The following PIAS1 variants were observed in gnomAD, a reference collection of about 807,000 sequenced individuals.
The protein encoded by PIAS1 is E3 SUMO-protein ligase PIAS1.
A neutral mutation model predicts 71.3 loss-of-function variants in PIAS1; 6 were observed. That is an observed-to-expected ratio of 0.08 (90% confidence interval 0.05 to 0.17). The LOEUF is 0.17. Ranked by LOEUF, PIAS1 falls within the 10% of genes least tolerant of loss-of-function variation. The pLI is 1.00. For missense variants in PIAS1, 555 were observed against 793.6 expected (o/e 0.70, Z 3.61); for synonymous variants, 303 against 292.9 (o/e 1.03, Z -0.35).
intron 1 of PIAS1, among the ~76,000 whole-genome samples, chr15:68,059,571 C>T (rs1286683670): frequency 6.6e-6 from 1 of 151,450 alleles, no homozygotes; most frequent in Non-Finnish European, 1.5e-5. Context: ...ATTAGCTGGG[C>T]GTGGTGGTGG....
rs2093107035 is a variant in PIAS1, at chr15:68,189,239, C to T, written c.*1404C>T. The T allele has an allele frequency of 1.3e-5, 2 of 152,074 alleles. No individual in the cohort carries two copies. 9.4% of individuals were successfully genotyped at this position (152,074 alleles called of 1,614,324 possible). A position where few individuals can be genotyped will look rare whatever the true frequency, so the allele number is the denominator to read the frequency against. On this transcript the variant is annotated 3_prime_UTR_variant, in exon 14 of 14. Transcript: ENST00000249636. ...GAGTTGGAGGGAAGGAAAAGTGGTTCTACTAATGTTCCAAAATCCTCATCA... is the reference window on the plus strand; with the variant it reads ...GAGTTGGAGGGAAGGAAAAGTGGTTTTACTAATGTTCCAAAATCCTCATCA...
intron 2 of PIAS1, among the ~76,000 whole-genome samples, chr15:68,121,182 A>G (rs926439808): frequency 1.3e-5 from 2 of 151,138 alleles, no homozygotes; most frequent in African/African-American, 4.9e-5. Flanking sequence ...TACCTTTTGT[A>G]TGTCTCAGAG....
At chr15:68,133,129 T>C (rs1203382482) in intron 2 of PIAS1, among the ~76,000 whole-genome samples, 2 of 152,070 alleles carry the variant, frequency 1.3e-5, no homozygotes, top group Admixed American at 6.5e-5. Flanking sequence ...TACCAACACA[T>C]AGAAATCATC....
At chr15:68,159,961 G>A (rs1167800289) in intron 7 of PIAS1, among the ~76,000 whole-genome samples, 1 of 152,022 alleles carries the variant, frequency 6.6e-6, no homozygotes, top group Non-Finnish European at 1.5e-5. Flanking sequence ...GATTTCAAGT[G>A]GCTCCACATC....
chr15:68,140,614 A>T (rs976661193), intron 2 of PIAS1, among the ~76,000 whole-genome samples: 1 of 152,202 alleles, frequency 6.6e-6, no homozygotes, highest in South Asian at 2.1e-4. Context: ...TAATGTTGAG[A>T]TAGAATTCTA....
In PIAS1 at chr15:68,185,314, C is replaced by T. The variant is rs531542418; in HGVS notation, c.1662+1647C>T. On this transcript the variant is annotated intron_variant, in intron 13 of 13. Transcript: ENST00000249636. This position sits in a 1 kb window ranked among gnomAD's most constrained non-coding sequence, Gnocchi z 4.4. ...ATCAAGAACCTTGCTTGGGCATGGA[C>T]TGATGTCACCAAGGAGTATGTGAAT... Among the ~76,000 whole-genome samples, 7 of 152,086 alleles carry T rather than the reference C, an allele frequency of 4.6e-5. No homozygotes were observed. Among genetic ancestry groups the T allele is most frequent in the African/African-American group, 1.4e-4 (6 of 41,488 alleles).
At chr15:68,112,173 T>G (rs1191262602) in intron 2 of PIAS1, among the ~76,000 whole-genome samples, 2 of 152,206 alleles carry the variant, frequency 1.3e-5, no homozygotes, top group Non-Finnish European at 2.9e-5. Context: ...AATGCTCTGG[T>G]ATCTGTACTG....
chr15:68,175,204 G>A (rs181310535), intron 9 of PIAS1, among the ~76,000 whole-genome samples: 2 of 151,990 alleles, frequency 1.3e-5, no homozygotes, highest in Non-Finnish European at 2.9e-5. Context: ...TGTCTGTCAC[G>A]GTATTTTATC....
intron 4 of PIAS1, among the ~76,000 whole-genome samples, chr15:68,143,941 T>C (rs913827524): frequency 2.6e-5 from 4 of 152,136 alleles, no homozygotes; most frequent in Non-Finnish European, 5.9e-5. Flanking sequence ...ACCGTAGCTT[T>C]AGAATAAAAG....
At chr15:68,142,418 T>G (rs1367355325) in intron 4 of PIAS1, 81 bp downstream of exon 4, 25 of 1,085,492 alleles carry the variant, frequency 2.3e-5, no homozygotes, top group Non-Finnish European at 3.4e-5. Context: ...TAAGGTACAG[T>G]GCTGACTGTA....
At chr15:68,134,909 C>A (rs1457894356) in intron 2 of PIAS1, among the ~76,000 whole-genome samples, 1 of 45,658 alleles carries the variant, frequency 2.2e-5, no homozygotes, top group Non-Finnish European at 8.7e-5. Flanking sequence ...CACCTCCCAG[C>A]AGGGGTGGCT....
chr15:68,149,632 T>C (rs2092832178), intron 6 of PIAS1, among the ~76,000 whole-genome samples: 1 of 152,104 alleles, frequency 6.6e-6, no homozygotes, highest in African/African-American at 2.4e-5. Context: ...TAAAAAGAGA[T>C]CTTTTTTTCT....
At chr15:68,090,042 G>T (rs900535926) in intron 2 of PIAS1, among the ~76,000 whole-genome samples, 1 of 151,534 alleles carries the variant, frequency 6.6e-6, no homozygotes, top group African/African-American at 2.4e-5. Context: ...ACCATGACTG[G>T]CTAATTTTAG....
chr15:68,066,764 A>G (rs2092032653), intron 1 of PIAS1, among the ~76,000 whole-genome samples: 1 of 152,244 alleles, frequency 6.6e-6, no homozygotes, highest in Non-Finnish European at 1.5e-5. Flanking sequence ...TGATTTCAAA[A>G]TCAGGTAGCA....
At position 68,126,672 on chromosome 15, in the gene PIAS1, G is replaced by A. The variant is rs142279305; in HGVS notation, c.470-15274G>A. ...TGGCCTGACCTCAAGTGATCCACCC[G>A]CCTCAGCATCCCAAAATGCTGTAAT... On this transcript the variant is annotated intron_variant, in intron 2 of 13. Coordinates refer to ENST00000249636, the MANE Select transcript of PIAS1 (RefSeq NM_016166.3). 2.0e-4 allele frequency among the ~76,000 whole-genome samples: 31 copies of A among 152,194 alleles called. No homozygotes were observed. In the East Asian group the frequency reaches 3.3e-3, roughly 16 times the overall value.
In PIAS1 at chr15:68,186,416, A is replaced by G. The variant is rs796755534; in HGVS notation, c.1663-1126A>G. Among the ~76,000 whole-genome samples, 3 of 152,366 alleles carry G rather than the reference A, an allele frequency of 2.0e-5. No individual in the cohort carries two copies. The highest frequency in any genetic ancestry group is 7.2e-5 in the African/African-American group (3 of 41,590). On this transcript the variant is annotated intron_variant, in intron 13 of 13. Transcript: ENST00000249636. The surrounding 1 kb of genome is among the most constrained non-coding windows in gnomAD (Gnocchi z 4.4). ...GAAGGAAATATTTTTGTTCAGCTGT[A>G]CAATGTACTTGTGTTTTAAATTAAG...
At chr15:68,118,417 G>A (rs963794236) in intron 2 of PIAS1, among the ~76,000 whole-genome samples, 5 of 152,148 alleles carry the variant, frequency 3.3e-5, no homozygotes, top group African/African-American at 1.2e-4. Flanking sequence ...GCTCACTGCA[G>A]CCTTGACCTC....
chr15:68,131,731 C>T (rs2092688836), intron 2 of PIAS1, among the ~76,000 whole-genome samples: 1 of 152,122 alleles, frequency 6.6e-6, no homozygotes, highest in African/African-American at 2.4e-5. Context: ...TTATTTAGGA[C>T]CACATTTTCT....
At chr15:68,156,361 A>G (rs960110185) in intron 7 of PIAS1, among the ~76,000 whole-genome samples, 2 of 152,184 alleles carry the variant, frequency 1.3e-5, no homozygotes, top group African/African-American at 4.8e-5. Flanking sequence ...AAGCTCCAAG[A>G]TGGGAACAGA....
Sources: gnomAD v4.1 joint callset for allele counts (sites outside exome capture counted in the v4.1 genomes callset) on GRCh38, gnomAD v4.1.1 for gene constraint, Gnocchi (gnomAD v3.1) non-coding constraint, MANE v1.5 for transcripts, NCBI Gene and HGNC (gene_info 2026-07-23, HGNC 2026-07-21) for gene names.